The following GCM1 variants were observed in gnomAD, a reference collection of about 807,000 sequenced individuals.
The protein encoded by GCM1 is GCM transcription factor 1.
In GCM1, 2 loss-of-function variants were observed where a neutral mutation model predicts 25.7. The observed-to-expected ratio is 0.08, with a 90% CI of 0.03 to 0.24. The LOEUF (loss-of-function observed/expected upper bound fraction) is 0.24. Ranked by LOEUF, GCM1 falls within the 10% of genes least tolerant of loss-of-function variation. The pLI, the probability that GCM1 is intolerant of heterozygous loss-of-function variation, is 1.00. For synonymous variants in GCM1, 183 were observed against 195.7 expected, an observed-to-expected ratio of 0.94 and a Z score of 0.54; for missense variants, 395 against 538.7, an observed-to-expected ratio of 0.73 and a Z score of 2.64.
intron 1 of GCM1, among the ~76,000 whole-genome samples, chr6:53,146,302 C>T (rs1028582738): frequency 2.7e-5 from 4 of 149,148 alleles, no homozygotes; most frequent in African/African-American, 4.9e-5. Flanking sequence ...TTACTGCAAC[C>T]TCTGCCTCTT....
In GCM1 at chr6:53,134,061, G is replaced by A. The variant is rs896685586; in HGVS notation, c.328+11C>T. The A allele has an allele frequency of 4.3e-6, 7 of 1,612,268 alleles. No homozygotes were observed. In the Admixed American group the frequency reaches 1.2e-4, roughly 27 times the overall value. ...CCAGCTTTTTTGCTGGTGCCACTAA[G>A]CTCTACTCACGCTGCTGCTTCTGCC... On this transcript the variant is annotated intron_variant, in intron 3 of 5. Transcript: ENST00000259803.
chr6:53,138,445 T>G (rs1035442250), intron 2 of GCM1, among the ~76,000 whole-genome samples: 3 of 152,072 alleles, frequency 2.0e-5, no homozygotes, highest in Non-Finnish European at 4.4e-5. Flanking sequence ...TACACTGAAA[T>G]TAAGAGAAAA....
In GCM1 at chr6:53,134,316, T is replaced by C. The variant is rs1763767360; in HGVS notation, c.84A>G (p.Lys28=). The C allele has an allele frequency of 6.2e-7, 1 of 1,613,606 alleles. No individual in the cohort carries two copies. Among genetic ancestry groups the C allele is most frequent in the Non-Finnish European group, 8.5e-7 (1 of 1,179,648 alleles). The part of the protein sequence containing the change: ...INDVKLPQNV[K]KTDWFQEWPD... The stretch of plus-strand genomic sequence containing the variant: ...GCCACTCCTGGAACCAGTCGGTTTT[T>C]TTCACGTTCTGATAGAAACACAAAA... Residue 28 remains lysine, a synonymous_variant, in exon 3 of 6, where the codon AAA becomes AAG. Coordinates refer to ENST00000259803, the MANE Select transcript of GCM1 (RefSeq NM_003643.4).
At chr6:53,141,880 T>A (rs1165379079) in intron 2 of GCM1, among the ~76,000 whole-genome samples, 2 of 150,202 alleles carry the variant, frequency 1.3e-5, no homozygotes, top group Non-Finnish European at 3.0e-5. Context: ...GGTGCACGCC[T>A]GTAGTCCCCA....
rs1763767208 is a variant in GCM1 at position 53,134,309 on chromosome 6, C to T, written c.91G>A (p.Asp31Asn). ...VKLPQNVKKT[D>N]WFQEWPDSYA... The stretch of plus-strand genomic sequence containing the variant: ...GAATCTGGCCACTCCTGGAACCAGT[C>T]GGTTTTTTTCACGTTCTGATAGAAA... The change falls in exon 3 of 6, where the codon GAC (aspartate) becomes AAC (asparagine). Residue 31 changes from aspartate (D) to asparagine (N), a missense_variant. This residue lies in a region of GCM1 where 44 missense variants were observed against 60.8 expected (regional missense o/e 0.72). Transcript: ENST00000259803. 5 of 1,613,676 alleles carry T rather than the reference C, an allele frequency of 3.1e-6. No individual in the cohort carries two copies. Among genetic ancestry groups the T allele is most frequent in the South Asian group, 1.1e-5 (1 of 91,056 alleles).
chr6:53,131,861 T>C lies in GCM1; in HGVS notation c.441+146A>G, dbSNP rs550126906. The C allele has an allele frequency of 3.7e-5, 24 of 645,430 alleles. No individual in the cohort carries two copies. The African/African-American group carries it at 4.2e-4, about 11-fold the overall frequency. The allele number at this position is 645,430 out of a possible 1,614,324, so 40.0% of individuals were successfully genotyped here. A position where few individuals can be genotyped will look rare whatever the true frequency, so the allele number is the denominator to read the frequency against. Reference sequence around the variant, plus strand: ...AGAGCTCCCCAGCACTTCAAACATCTATTAGAAGTGCAGGGGACAGATACT... The same window carrying C: ...AGAGCTCCCCAGCACTTCAAACATCCATTAGAAGTGCAGGGGACAGATACT... On this transcript the variant is annotated intron_variant, in intron 4 of 5. Transcript: ENST00000259803.
chr6:53,140,345 A>G (rs1763856696), intron 2 of GCM1, among the ~76,000 whole-genome samples: 4 of 152,146 alleles, frequency 2.6e-5, no homozygotes, highest in African/African-American at 7.2e-5. Flanking sequence ...TTCTGATTAC[A>G]TGTGGCCACA....
At chr6:53,138,610 C>G (rs138569902) in intron 2 of GCM1, among the ~76,000 whole-genome samples, 1,711 of 152,238 alleles carry the variant, frequency 0.011, 12 homozygotes, top group Middle Eastern at 0.034. Context: ...ATACTTTCTT[C>G]TTTTTAGATC....
At chr6:53,139,952 A>C (rs1353749448) in intron 2 of GCM1, among the ~76,000 whole-genome samples, 9 of 152,170 alleles carry the variant, frequency 5.9e-5, no homozygotes, top group Non-Finnish European at 1.3e-4. Flanking sequence ...CTCAGCTTTC[A>C]AACCCCGTCT....
rs1296534117 is a variant in GCM1 at position 53,145,809 on chromosome 6, T to C, written c.-136-41A>G. ...ATATTAGTATTGGCCATTAAAGAGATTTAAAAAAAAACCCCAATGCTCCTC... is the reference window on the plus strand; with the variant it reads ...ATATTAGTATTGGCCATTAAAGAGACTTAAAAAAAAACCCCAATGCTCCTC... On this transcript the variant is annotated intron_variant, in intron 1 of 5. Coordinates refer to ENST00000259803, the MANE Select transcript of GCM1 (RefSeq NM_003643.4). 3 of 497,342 alleles carry C rather than the reference T, an allele frequency of 6.0e-6. No homozygotes were observed. In the East Asian group the frequency reaches 1.0e-4, roughly 17 times the overall value. 30.8% of individuals were successfully genotyped at this position (497,342 alleles called of 1,614,324 possible).
At chr6:53,145,470 T>C in intron 2 of GCM1, 88 bp downstream of exon 2, 1 of 794,296 alleles carries the variant, frequency 1.3e-6, no homozygotes, top group Non-Finnish European at 2.3e-6. Flanking sequence ...GCTGGAATCC[T>C]CACCAATTTC....
At chr6:53,139,473 C>T (rs1196063770) in intron 2 of GCM1, among the ~76,000 whole-genome samples, 10 of 101,852 alleles carry the variant, frequency 9.8e-5, no homozygotes, top group African/African-American at 4.0e-4. Flanking sequence ...CCAGCCTAGG[C>T]AAGATAGTAA....
intron 2 of GCM1, among the ~76,000 whole-genome samples, chr6:53,136,660 C>A (rs1763803353): frequency 6.6e-6 from 1 of 152,120 alleles, no homozygotes; most frequent in African/African-American, 2.4e-5. Context: ...TCATACCTTG[C>A]CAAGCCAAAT....
At chr6:53,139,432 CAGA>C (rs1407674428) in intron 2 of GCM1, among the ~76,000 whole-genome samples, 3 of 139,318 alleles carry the variant, frequency 2.2e-5, no homozygotes, top group Non-Finnish European at 4.5e-5. Context: ...TAGGCTAAGG[CAGA>C]AGGTTGCTTG....
chr6:53,140,853 G>A (rs574009791), intron 2 of GCM1, among the ~76,000 whole-genome samples: 2 of 152,310 alleles, frequency 1.3e-5, no homozygotes, highest in Admixed American at 6.5e-5. Flanking sequence ...CAGTACTAAT[G>A]AGAGTGTGAC....
Position 53,128,965 on chromosome 6 carries a change from T to A in GCM1, c.571-19A>T. The A allele has an allele frequency of 6.2e-7, 1 of 1,602,132 alleles. No individual in the cohort carries two copies. Among genetic ancestry groups the A allele is most frequent in the South Asian group, 1.1e-5 (1 of 89,804 alleles). On this transcript the variant is annotated intron_variant, in intron 5 of 5. Coordinates refer to ENST00000259803, the MANE Select transcript of GCM1 (RefSeq NM_003643.4). ...GAAGAGACTGGAAAGGAAAGTGAAATGCTCGTGTTAATAAGTTAAGCAAAT... is the reference window on the plus strand; with the variant it reads ...GAAGAGACTGGAAAGGAAAGTGAAAAGCTCGTGTTAATAAGTTAAGCAAAT...
chr6:53,142,191 A>C (rs1311760207), intron 2 of GCM1, among the ~76,000 whole-genome samples: 1 of 152,130 alleles, frequency 6.6e-6, no homozygotes, highest in Non-Finnish European at 1.5e-5. Context: ...AATATAAACT[A>C]TAAATGATCT....
intron 2 of GCM1, among the ~76,000 whole-genome samples, 176 bp from the exon 3 acceptor site, chr6:53,134,500 A>G (rs1247172266): frequency 6.6e-6 from 1 of 152,220 alleles, no homozygotes; most frequent in Non-Finnish European, 1.5e-5. Context: ...CCAGCACAAC[A>G]GTGGCAACTG....
At position 53,134,788 on chromosome 6, in the gene GCM1, C is replaced by A. The variant is rs141879138; in HGVS notation, c.76-464G>T. On this transcript the variant is annotated intron_variant, in intron 2 of 5. Transcript: ENST00000259803. Reference sequence around the variant, plus strand: ...TTCAAGACCAGCCTGGGCAACACAGCAAGACCCCTTCTCTAAAAACTCAAA... The same window carrying A: ...TTCAAGACCAGCCTGGGCAACACAGAAAGACCCCTTCTCTAAAAACTCAAA... Among the ~76,000 whole-genome samples the A allele has an allele frequency of 5.8e-4, 89 of 152,274 alleles. 3 individuals carry two copies. Among genetic ancestry groups the A allele is most frequent in the African/African-American group, 2.0e-3 (85 of 41,550 alleles).
Sources: allele counts gnomAD v4.1 joint callset (sites outside exome capture counted in the v4.1 genomes callset), GRCh38; gene constraint gnomAD v4.1.1; regional missense constraint gnomAD v4.1.1; transcripts MANE v1.5; gene names NCBI Gene and HGNC (gene_info 2026-07-23, HGNC 2026-07-21).